Variants in SETBP1 observed in about 807,000 individuals in gnomAD.
SETBP1 encodes SET binding protein 1, also known as SET-binding protein.
In SETBP1, 9 loss-of-function variants were observed where a neutral mutation model predicts 101.0. The ratio of observed to expected loss-of-function variants is 0.09; its 90% CI spans 0.05 to 0.16. The LOEUF (loss-of-function observed/expected upper bound fraction) is 0.16, where lower values mean the gene tolerates loss of function less well. Among genes scored for constraint, SETBP1 ranks in the 10% least tolerant of loss-of-function variants. The pLI is 1.00. For missense variants in SETBP1, 1,858 were observed against 2,033.8 expected, an observed-to-expected ratio of 0.91 and a Z score of 1.66; for synonymous variants, 818 against 788.5, an observed-to-expected ratio of 1.04 and a Z score of -0.63.
At chr18:44,941,072 T>C (rs1452220867) in intron 3 of SETBP1, among the ~76,000 whole-genome samples, 2 of 147,384 alleles carry the variant, frequency 1.4e-5, no homozygotes, top group Non-Finnish European at 3.0e-5. Flanking sequence ...TAATGAGAAG[T>C]CAGACTTTTT....
rs1471259887 is a variant in SETBP1 at position 45,067,530 on chromosome 18, T to C, written c.*3832T>C. 1 of 152,156 alleles carries C rather than the reference T, an allele frequency of 6.6e-6. No individual in the cohort carries two copies. The highest frequency in any genetic ancestry group is 1.5e-5 in the Non-Finnish European group (1 of 68,024). 9.4% of individuals were successfully genotyped at this position (152,156 alleles called of 1,614,324 possible). A position where few individuals can be genotyped will look rare whatever the true frequency, so the allele number is the denominator to read the frequency against. On this transcript the variant is annotated 3_prime_UTR_variant, in exon 6 of 6. Transcript: ENST00000649279. ...GTTACGTTGCAGGATTTTCAGTCCT[T>C]CTCGTTATGTAAAAGTAGATAAATA... is the stretch of plus-strand genomic sequence containing the variant.
chr18:44,930,298 G>A (rs1250513600), intron 3 of SETBP1, among the ~76,000 whole-genome samples: 2 of 152,182 alleles, frequency 1.3e-5, no homozygotes, highest in Non-Finnish European at 2.9e-5. Flanking sequence ...ACTTGATCGT[G>A]GTGGATAAGC....
At chr18:44,915,866 A>C (rs2070413835) in intron 3 of SETBP1, among the ~76,000 whole-genome samples, 1 of 152,198 alleles carries the variant, frequency 6.6e-6, no homozygotes, top group African/African-American at 2.4e-5. Flanking sequence ...CAAAGAGACT[A>C]GATGTTCCAT....
intron 2 of SETBP1, among the ~76,000 whole-genome samples, chr18:44,837,323 A>G (rs552689527): frequency 6.6e-6 from 1 of 152,356 alleles, no homozygotes; most frequent in African/African-American, 2.4e-5. Flanking sequence ...CCCTGTATCA[A>G]CACTCAATTA....
chr18:44,952,046 G>A lies in SETBP1; in HGVS notation c.2706G>A (p.Pro902=), dbSNP rs113916801. ...TTGATTTCTGCTCCCTGGACAACCCGGAGGCCATTCCGTCCGACACCAGCA... is the reference window on the plus strand; with the variant it reads ...TTGATTTCTGCTCCCTGGACAACCCAGAGGCCATTCCGTCCGACACCAGCA... ...YSFDFCSLDN[P]EAIPSDTSTK... Residue 902 remains proline (P), a synonymous_variant, in exon 4 of 6, where the codon CCG becomes CCA. Transcript: ENST00000649279. 336 of 1,613,898 alleles carry A rather than the reference G, an allele frequency of 2.1e-4. 2 individuals carry two copies. Among genetic ancestry groups the A allele is most frequent in the Non-Finnish European group, 2.5e-4 (297 of 1,180,012 alleles).
At chr18:44,986,084 C>G (rs1056383540) in intron 4 of SETBP1, 1 of 152,134 alleles carries the variant, frequency 6.6e-6, no homozygotes, top group Admixed American at 6.6e-5. Flanking sequence ...CATCCCAGTG[C>G]GAACATCATG....
intron 2 of SETBP1, among the ~76,000 whole-genome samples, chr18:44,843,153 G>GAT (rs1221238693): frequency 6.6e-6 from 1 of 152,188 alleles, no homozygotes; most frequent in Non-Finnish European, 1.5e-5. Context: ...TGGGAAGGAG[G>GAT]ATGATGAGCA....
chr18:44,979,896 C>T (rs1367383953), intron 4 of SETBP1, among the ~76,000 whole-genome samples: 1 of 152,166 alleles, frequency 6.6e-6, no homozygotes, highest in Non-Finnish European at 1.5e-5. Context: ...TTACAAAAAG[C>T]AGTTCCTTCT....
chr18:45,023,655 C>G (rs2073112568), intron 4 of SETBP1, among the ~76,000 whole-genome samples: 1 of 152,184 alleles, frequency 6.6e-6, no homozygotes, highest in African/African-American at 2.4e-5. Context: ...AGAGATCGAG[C>G]AATTAGTTGG....
At chr18:44,963,930 A>G (rs1356200382) in intron 4 of SETBP1, among the ~76,000 whole-genome samples, 1 of 147,340 alleles carries the variant, frequency 6.8e-6, no homozygotes, top group Non-Finnish European at 1.5e-5. Flanking sequence ...AAAGGGTTAT[A>G]TATACTAAAA....
intron 2 of SETBP1, among the ~76,000 whole-genome samples, chr18:44,748,471 C>T (rs1372806323): frequency 2.6e-5 from 4 of 152,210 alleles, no homozygotes; most frequent in African/African-American, 9.6e-5. Context: ...TTATCAGCTT[C>T]AGTCTCACTG....
At chr18:44,897,135 G>A (rs750593724) in intron 3 of SETBP1, among the ~76,000 whole-genome samples, 11 of 152,070 alleles carry the variant, frequency 7.2e-5, no homozygotes, top group African/African-American at 1.2e-4. Context: ...TTGCATTTGC[G>A]CTCCAGAGTT....
intron 4 of SETBP1, among the ~76,000 whole-genome samples, chr18:45,007,980 G>A (rs1159065646): frequency 1.3e-5 from 2 of 152,078 alleles, no homozygotes; most frequent in Admixed American, 1.3e-4. Context: ...GGCTTGACAA[G>A]GGCTTCTTCA....
chr18:44,768,771 A>G (rs2070814231), intron 2 of SETBP1, among the ~76,000 whole-genome samples: 1 of 152,250 alleles, frequency 6.6e-6, no homozygotes. Flanking sequence ...GTTTCACTAA[A>G]GACTTTGTTA....
intron 2 of SETBP1, among the ~76,000 whole-genome samples, chr18:44,793,183 G>A (rs143477876): frequency 2.2e-4 from 33 of 152,336 alleles, no homozygotes; most frequent in Non-Finnish European, 3.7e-4. Context: ...TGCATGTGCT[G>A]AATGAGCCGT....
At chr18:45,061,075 G>T (rs2073884021) in intron 5 of SETBP1, among the ~76,000 whole-genome samples, 1 of 152,170 alleles carries the variant, frequency 6.6e-6, no homozygotes. Context: ...TGAAAGCTTT[G>T]CTTGGAATAC....
chr18:44,891,881 A>G, intron 3 of SETBP1, among the ~76,000 whole-genome samples: 1 of 152,164 alleles, frequency 6.6e-6, no homozygotes, highest in Non-Finnish European at 1.5e-5. Flanking sequence ...TAGGAACTGT[A>G]AAAGACATTA....
At chr18:44,802,839 G>A (rs2071634383) in intron 2 of SETBP1, among the ~76,000 whole-genome samples, 1 of 152,064 alleles carries the variant, frequency 6.6e-6, no homozygotes, top group African/African-American at 2.4e-5. Context: ...TCTGGCCATG[G>A]GGTATGCACG....
rs115246757 is a variant in SETBP1 at position 45,002,068 on chromosome 18, G to A, written c.4001-36417G>A. ...GCTCCTTCAGAAAAGCTTCGCTTCC[G>A]TACATTGATCTCTCTTTGAAAAAAA... On this transcript the variant is annotated intron_variant, in intron 4 of 5. Coordinates refer to ENST00000649279, the MANE Select transcript of SETBP1 (RefSeq NM_015559.3). Among the ~76,000 whole-genome samples the A allele has an allele frequency of 2.5e-3, 382 of 152,202 alleles. 4 individuals carry two copies. Among genetic ancestry groups the A allele is most frequent in the African/African-American group, 8.5e-3 (355 of 41,534 alleles).
Sources: allele counts gnomAD v4.1 joint callset (sites outside exome capture counted in the v4.1 genomes callset), GRCh38; gene constraint gnomAD v4.1.1; transcripts MANE v1.5; gene names NCBI Gene and HGNC (gene_info 2026-07-23, HGNC 2026-07-21).